BCAS3: variants seen among roughly 807,000 people sequenced by gnomAD.
BCAS3 encodes BCAS3 microtubule associated cell migration factor, also known as BCAS4/BCAS3 fusion.
Under a neutral mutation model 116.1 loss-of-function variants are expected in BCAS3, and 53 were observed. The observed-to-expected ratio is 0.46, with a 90% confidence interval of 0.37 to 0.57. The LOEUF (loss-of-function observed/expected upper bound fraction) is 0.57. BCAS3 is among the 20% of genes least tolerant of loss of function. The pLI is 0.00. For missense variants in BCAS3, 917 were observed against 1,165.4 expected, an observed-to-expected ratio of 0.79 and a Z score of 3.10; for synonymous variants, 391 against 408.2, an observed-to-expected ratio of 0.96 and a Z score of 0.51.
At chr17:61,044,804 G>T (rs565056726) in intron 19 of BCAS3, among the ~76,000 whole-genome samples, 21 of 146,054 alleles carry the variant, frequency 1.4e-4, no homozygotes, top group African/African-American at 4.6e-4. Context: ...ATGGAGTCTT[G>T]CTCTGTTGCC....
chr17:61,368,037 C>T lies in BCAS3; in HGVS notation c.2426-290C>T, dbSNP rs752809994. 37 of 281,326 alleles carry T rather than the reference C, an allele frequency of 1.3e-4. No homozygotes were observed. Among genetic ancestry groups the T allele is most frequent in the Middle Eastern group, 9.7e-4 (1 of 1,030 alleles). The allele number at this position is 281,326 out of a possible 1,614,324, so 17.4% of individuals were successfully genotyped here. A position where few individuals can be genotyped will look rare whatever the true frequency, so the allele number is the denominator to read the frequency against. On this transcript the variant is annotated intron_variant, in intron 22 of 23. Transcript: ENST00000407086. The surrounding 1 kb of genome is among the most constrained non-coding windows in gnomAD (Gnocchi z 6.0). ...AACCTGGGAAGGGGGTTGCCTTCCC[C>T]GTCCCACTTCTTAAGGTGGTCCCTG...
At chr17:61,275,879 C>T (rs1166191827) in intron 22 of BCAS3, among the ~76,000 whole-genome samples, 3 of 152,124 alleles carry the variant, frequency 2.0e-5, no homozygotes, top group Admixed American at 2.0e-4. Flanking sequence ...TTATGATTAA[C>T]CCCAACTCAT....
At chr17:61,120,823 ATGT>A (rs2075750670) in intron 22 of BCAS3, among the ~76,000 whole-genome samples, 1 of 152,152 alleles carries the variant, frequency 6.6e-6, no homozygotes, top group Admixed American at 6.5e-5. Flanking sequence ...TTTTAAAATC[ATGT>A]TTCACATAAG....
At chr17:60,830,051 G>C (rs970676659) in intron 7 of BCAS3, among the ~76,000 whole-genome samples, 13 of 152,126 alleles carry the variant, frequency 8.5e-5, no homozygotes, top group Admixed American at 6.5e-4. Context: ...GAGTGCAGTG[G>C]CGCGATCTTA....
intron 22 of BCAS3, among the ~76,000 whole-genome samples, chr17:61,160,695 G>A (rs1288628606): frequency 6.6e-6 from 1 of 152,072 alleles, no homozygotes; most frequent in African/African-American, 2.4e-5. Flanking sequence ...TATAAAAAAG[G>A]TCATGGTCTT....
intron 22 of BCAS3, among the ~76,000 whole-genome samples, chr17:61,357,453 T>TA (rs1464266669): frequency 2.0e-5 from 3 of 149,004 alleles, no homozygotes; most frequent in East Asian, 2.0e-4. Flanking sequence ...TTTTTATTTT[T>TA]TTTTTTTTTG....
Position 60,956,092 on chromosome 17 carries a change from C to T in BCAS3, c.1221+8740C>T, listed in dbSNP as rs1457940366. Among the ~76,000 whole-genome samples, 1 of 152,172 alleles carries T rather than the reference C, an allele frequency of 6.6e-6. No homozygotes were observed. The highest frequency in any genetic ancestry group is 1.5e-5 in the Non-Finnish European group (1 of 68,034). On this transcript the variant is annotated intron_variant, in intron 14 of 23. Coordinates refer to ENST00000407086, the MANE Select transcript of BCAS3 (RefSeq NM_017679.5). This position sits in a 1 kb window ranked among gnomAD's most constrained non-coding sequence, Gnocchi z 4.2. Reference sequence around the variant, plus strand: ...GCCATTCTGCATTGAACTTTCAATTCATTCCTTTATTTACCTATCATTTTG... The same window carrying T: ...GCCATTCTGCATTGAACTTTCAATTTATTCCTTTATTTACCTATCATTTTG...
intron 7 of BCAS3, among the ~76,000 whole-genome samples, chr17:60,850,546 A>G (rs2053034696): frequency 6.6e-6 from 1 of 151,618 alleles, no homozygotes; most frequent in Non-Finnish European, 1.5e-5. Flanking sequence ...TTTAGTAGAG[A>G]TGGGGTTTCA....
chr17:60,701,312 A>G (rs1188094553), intron 4 of BCAS3, among the ~76,000 whole-genome samples: 4 of 152,182 alleles, frequency 2.6e-5, no homozygotes, highest in Admixed American at 6.5e-5. Context: ...AGGAATGTTT[A>G]TTGCTTTATG....
intron 5 of BCAS3, among the ~76,000 whole-genome samples, chr17:60,727,870 C>T (rs1213889460): frequency 1.3e-5 from 2 of 149,888 alleles, no homozygotes; most frequent in Non-Finnish European, 3.0e-5. Flanking sequence ...TACAGTGGTG[C>T]GATCTTGGCT....
At chr17:60,934,462 A>G (rs570922877) in intron 13 of BCAS3, among the ~76,000 whole-genome samples, 1 of 152,348 alleles carries the variant, frequency 6.6e-6, no homozygotes, top group Non-Finnish European at 1.5e-5. Flanking sequence ...AATAATATAA[A>G]CATAGTATTT....
At chr17:61,267,620 CTCCT>C (rs1487441250) in intron 22 of BCAS3, among the ~76,000 whole-genome samples, 13 of 131,092 alleles carry the variant, frequency 9.9e-5, no homozygotes, top group East Asian at 2.5e-4. Context: ...GCCTGTAATC[CTCCT>C]GGATTACAGG....
At chr17:61,002,341 G>T (rs549308786) in intron 15 of BCAS3, among the ~76,000 whole-genome samples, 3 of 151,946 alleles carry the variant, frequency 2.0e-5, no homozygotes, top group Admixed American at 6.5e-5. Flanking sequence ...TTTCTTCTTT[G>T]CTTTTTACTG....
chr17:60,891,215 A>G (rs1013154082), intron 10 of BCAS3, among the ~76,000 whole-genome samples: 31 of 152,326 alleles, frequency 2.0e-4, no homozygotes, highest in Non-Finnish European at 4.3e-4. Context: ...CAAGACAAAG[A>G]TGTATAAATT....
At chr17:60,909,430 A>G (rs979505374) in intron 11 of BCAS3, among the ~76,000 whole-genome samples, 6 of 152,092 alleles carry the variant, frequency 3.9e-5, no homozygotes, top group Non-Finnish European at 7.4e-5. Flanking sequence ...TAATTGTTTT[A>G]GAAAAGATAG....
chr17:60,850,996 T>C (rs1269450833), intron 7 of BCAS3, among the ~76,000 whole-genome samples: 2 of 152,282 alleles, frequency 1.3e-5, no homozygotes, highest in East Asian at 1.9e-4. Flanking sequence ...TCCTAGAAGA[T>C]AACATAGAAA....
In BCAS3 at chr17:60,931,379, G is replaced by A. The variant is rs931547814; in HGVS notation, c.1087+6879G>A. On this transcript the variant is annotated intron_variant, in intron 13 of 23. Transcript: ENST00000407086. ...CAACCTCCACCTCCCGGGTTCAAGC[G>A]ATTTTCCTGCCTCAGGCTCCTGAGT... Among the ~76,000 whole-genome samples the A allele has an allele frequency of 2.0e-4, 30 of 152,186 alleles. 1 individual carries two copies. Among genetic ancestry groups the A allele is most frequent in the Middle Eastern group, 3.4e-3 (1 of 294 alleles).
chr17:60,760,669 C>G (rs1461058196), intron 6 of BCAS3, among the ~76,000 whole-genome samples: 2 of 151,682 alleles, frequency 1.3e-5, no homozygotes, highest in Non-Finnish European at 2.9e-5. Context: ...TATAGTTTGA[C>G]TATAAAGTGC....
At chr17:61,074,654 C>T (rs989118565) in intron 19 of BCAS3, among the ~76,000 whole-genome samples, 3 of 152,138 alleles carry the variant, frequency 2.0e-5, no homozygotes, top group Admixed American at 2.0e-4. Context: ...CTTCAGTGTA[C>T]TTTTGCTATT....
Sources: allele counts gnomAD v4.1 joint callset (sites outside exome capture counted in the v4.1 genomes callset), GRCh38; gene constraint gnomAD v4.1.1; non-coding constraint Gnocchi (gnomAD v3.1); transcripts MANE v1.5; gene names NCBI Gene and HGNC (gene_info 2026-07-23, HGNC 2026-07-21).